Variants in SOX6 observed in about 807,000 individuals in gnomAD.
SOX6 encodes the protein transcription factor SOX-6.
A neutral mutation model predicts 97.8 loss-of-function variants in SOX6; 11 were observed. That is an observed-to-expected ratio of 0.11 (90% CI 0.07 to 0.19). The LOEUF (loss-of-function observed/expected upper bound fraction) is 0.19. Among genes scored for constraint, SOX6 ranks in the 10% least tolerant of loss-of-function variants. The pLI is 1.00. For synonymous variants in SOX6, 360 were observed against 371.4 expected, an observed-to-expected ratio of 0.97 and a Z score of 0.35; for missense variants, 810 against 1,039.5, an observed-to-expected ratio of 0.78 and a Z score of 3.04.
Position 16,380,993 on chromosome 11 carries a change from T to C in SOX6, c.-4-39741A>G, listed in dbSNP as rs141321201. 9.6e-3 allele frequency among the ~76,000 whole-genome samples: 1,142 copies of C among 118,378 alleles called. 13 individuals carry two copies. Among genetic ancestry groups the C allele is most frequent in the African/African-American group, 0.033 (1,094 of 32,664 alleles). The allele number at this position is 118,378 out of a possible 152,430, so 77.7% of individuals were successfully genotyped here. A position where few individuals can be genotyped will look rare whatever the true frequency, so the allele number is the denominator to read the frequency against. On this transcript the variant is annotated intron_variant, in intron 1 of 15. Coordinates refer to the SOX6 transcript ENST00000396356. ...ATCTCTCCAAGTTTTAGATTCCTTG[T>C]CTTTAAACTTACAGTAAAAAAATAG...
At chr11:16,738,452 C>T (rs1301897555) in exon 1 of SOX6, 5 of 426,284 alleles carry the variant, frequency 1.2e-5, no homozygotes, top group African/African-American at 9.9e-5. Flanking sequence ...GGAACGCTTC[C>T]TCCACCAGCC....
At chr11:16,124,247 C>G (rs943264068) in intron 6 of SOX6, among the ~76,000 whole-genome samples, 1 of 152,032 alleles carries the variant, frequency 6.6e-6, no homozygotes, top group African/African-American at 2.4e-5. Flanking sequence ...ATTGGGAATA[C>G]AGTAGAAGAC....
intron 3 of SOX6, among the ~76,000 whole-genome samples, chr11:16,251,512 T>C (rs930509841): frequency 1.3e-5 from 2 of 152,022 alleles, no homozygotes; most frequent in African/African-American, 2.4e-5. Flanking sequence ...AAACTTTAAA[T>C]AAAACAGAAA....
At position 16,055,648 on chromosome 11, in the gene SOX6, G is replaced by T. The variant is rs983500636; in HGVS notation, c.1251+104C>A. On this transcript the variant is annotated intron_variant, in intron 10 of 15. Coordinates refer to ENST00000683767, the MANE Select transcript of SOX6 (RefSeq NM_001367873.1). ...GAGGGACATTTTGGGGTTGCTTTAT[G>T]TTGCTATGTTTCCTGCTGTTTATGC... is the stretch of plus-strand genomic sequence containing the variant. 2.0e-5 allele frequency: 28 copies of T among 1,425,986 alleles called. No individual in the cohort carries two copies. In the African/African-American group the frequency reaches 3.9e-4, roughly 20 times the overall value. 88.3% of individuals were successfully genotyped at this position (1,425,986 alleles called of 1,614,324 possible).
intron 4 of SOX6, among the ~76,000 whole-genome samples, chr11:16,515,408 T>G (rs1367575464): frequency 6.8e-6 from 1 of 147,858 alleles, no homozygotes; most frequent in Non-Finnish European, 1.5e-5. Flanking sequence ...GTTTTTTTCT[T>G]GTAAATTTAT....
intron 1 of SOX6, among the ~76,000 whole-genome samples, chr11:16,416,987 T>C (rs752299405): frequency 6.6e-6 from 1 of 152,184 alleles, no homozygotes; most frequent in Non-Finnish European, 1.5e-5. Flanking sequence ...GTAAATTTGA[T>C]GTCCTTTCAT....
chr11:16,259,834 G>T (rs753786360), intron 3 of SOX6, among the ~76,000 whole-genome samples: 1 of 151,934 alleles, frequency 6.6e-6, no homozygotes. Context: ...ATGGATGGTG[G>T]TTACACACAT....
chr11:16,141,862 G>A (rs111600943), intron 6 of SOX6, among the ~76,000 whole-genome samples: 12,580 of 152,080 alleles, frequency 0.083, 1,082 homozygotes, highest in East Asian at 0.37. Flanking sequence ...CAGGAAGCTC[G>A]AACTGGGAGG....
At chr11:16,207,466 G>A (rs900605939) in intron 4 of SOX6, among the ~76,000 whole-genome samples, 7 of 151,838 alleles carry the variant, frequency 4.6e-5, no homozygotes, top group Non-Finnish European at 7.4e-5. Flanking sequence ...ATGGTGGCGG[G>A]CACCTGTAGT....
chr11:16,595,695 A>C (rs1249426703), intron 4 of SOX6, among the ~76,000 whole-genome samples: 2 of 152,022 alleles, frequency 1.3e-5, no homozygotes, highest in African/African-American at 4.8e-5. Context: ...GAATTGCTTA[A>C]GGCCAGGAAT....
intron 4 of SOX6, among the ~76,000 whole-genome samples, chr11:16,543,596 T>C (rs907081732): frequency 3.3e-5 from 5 of 152,160 alleles, no homozygotes; most frequent in Middle Eastern, 3.4e-3. Context: ...TACAACTCAA[T>C]AATGAAAAGA....
intron 3 of SOX6, among the ~76,000 whole-genome samples, chr11:16,237,667 A>G (rs1853066381): frequency 6.6e-6 from 1 of 152,042 alleles, no homozygotes. Context: ...GTAATCATGT[A>G]AGATTCCAAA....
chr11:16,646,480 T>C (rs539808524), intron 3 of SOX6, among the ~76,000 whole-genome samples: 1 of 152,200 alleles, frequency 6.6e-6, no homozygotes, highest in East Asian at 1.9e-4. Context: ...TGTTTTTTTT[T>C]TTTATTTCCA....
chr11:16,219,153 A>G (rs1371193090), intron 4 of SOX6, among the ~76,000 whole-genome samples: 1 of 152,024 alleles, frequency 6.6e-6, no homozygotes, highest in African/African-American at 2.4e-5. Flanking sequence ...TCCTCAGTCC[A>G]TTTCCAGGTA....
chr11:16,179,077 C>T (rs1333215975), intron 6 of SOX6, among the ~76,000 whole-genome samples: 3 of 151,844 alleles, frequency 2.0e-5, no homozygotes, highest in Non-Finnish European at 4.4e-5. Flanking sequence ...TATTTCTGAT[C>T]TTTAGACAAC....
intron 13 of SOX6, among the ~76,000 whole-genome samples, chr11:16,005,326 A>T (rs937538755): frequency 1.3e-5 from 2 of 151,968 alleles, no homozygotes; most frequent in Non-Finnish European, 2.9e-5. Flanking sequence ...CAACCGAGAA[A>T]GACCATCTCA....
intron 4 of SOX6, among the ~76,000 whole-genome samples, chr11:16,483,513 C>T (rs1860380719): frequency 1.3e-5 from 2 of 152,054 alleles, no homozygotes; most frequent in African/African-American, 4.8e-5. Context: ...TTGTACTTTC[C>T]CCAGCAGGGC....
intron 3 of SOX6, among the ~76,000 whole-genome samples, chr11:16,292,263 A>G (rs1477813940): frequency 6.6e-6 from 1 of 152,162 alleles, no homozygotes; most frequent in Non-Finnish European, 1.5e-5. Context: ...GCCACTAATT[A>G]ATGTTGTTTA....
rs370309732 is a variant in SOX6 at position 16,423,441 on chromosome 11, GTC to G, written c.-5+52872_-5+52873del. Among the ~76,000 whole-genome samples the G allele has an allele frequency of 5.7e-3, 868 of 152,218 alleles. 11 individuals carry two copies. The highest frequency in any genetic ancestry group is 0.019 in the African/African-American group (777 of 41,540). On this transcript the variant is annotated intron_variant, in intron 1 of 15. Coordinates refer to the SOX6 transcript ENST00000396356. The stretch of plus-strand genomic sequence containing the variant: ...ATAAGATCCTTGTGACGTTATTTTT[GTC>G]TGTTTTGTTTCACTTCAATATTCCT...
Sources: gnomAD v4.1 joint callset for allele counts (sites outside exome capture counted in the v4.1 genomes callset) on GRCh38, gnomAD v4.1.1 for gene constraint, MANE v1.5 for transcripts, NCBI Gene and HGNC (gene_info 2026-07-23, HGNC 2026-07-21) for gene names.